The following MTMR12 variants were observed in gnomAD, a reference collection of about 807,000 sequenced individuals.
MTMR12 encodes the protein myotubularin-related protein 12.
Under a neutral mutation model 96.7 loss-of-function variants are expected in MTMR12, and 33 were observed. The observed-to-expected ratio is 0.34, with a 90% CI of 0.26 to 0.46. MTMR12 has a LOEUF of 0.46. Among genes scored for constraint, MTMR12 ranks in the 20% least tolerant of loss-of-function variants. The pLI, the probability that MTMR12 is intolerant of heterozygous loss-of-function variation, is 1.00. For missense variants in MTMR12, 721 were observed against 896.1 expected (o/e 0.80, Z 2.49); for synonymous variants, 298 against 327.2 (o/e 0.91, Z 0.96).
chr5:32,235,280 G>A, intron 13 of MTMR12, 151 bp from the exon 14 acceptor site: 1 of 630,686 alleles, frequency 1.6e-6, no homozygotes, highest in Non-Finnish European at 2.6e-6. Context: ...CATCCCAAGT[G>A]AGAAATATGC....
intron 3 of MTMR12, among the ~76,000 whole-genome samples, chr5:32,272,686 T>C (rs565920900): frequency 2.9e-4 from 44 of 152,238 alleles, no homozygotes; most frequent in African/African-American, 1.0e-3. Context: ...GTCCAGAACA[T>C]GCCATTTCTG....
In MTMR12 at chr5:32,274,008, C is replaced by T. The variant is rs1313915264; in HGVS notation, c.257G>A (p.Gly86Asp). The stretch of plus-strand genomic sequence containing the variant: ...ATTATCCAATGCAGATTCATCATCA[C>T]CCAAGAAGGCAATCTTGAAGTCTGT... ...VCTDFKIAFLGDDESALDNDE... is the reference protein window; with the variant it reads ...VCTDFKIAFLDDDESALDNDE... Residue 86 changes from glycine (G) to aspartate (D), a missense_variant, in exon 3 of 16, where the codon GGT becomes GAT. Physicochemically the swap from Gly to Asp is moderately conservative, Grantham distance 94. Coordinates refer to ENST00000382142, the MANE Select transcript of MTMR12 (RefSeq NM_001040446.3). The T allele has an allele frequency of 6.2e-7, 1 of 1,614,156 alleles. No individual in the cohort carries two copies. The highest frequency in any genetic ancestry group is 1.3e-5 in the African/African-American group (1 of 75,032).
chr5:32,271,928 A>G, intron 3 of MTMR12, 23 bp from the exon 4 acceptor site: 1 of 1,364,796 alleles, frequency 7.3e-7, no homozygotes. Flanking sequence ...AAAGGAAACA[A>G]CTGTGACTCC....
At chr5:32,310,830 T>C (rs2111559461) in intron 1 of MTMR12, among the ~76,000 whole-genome samples, 1 of 152,238 alleles carries the variant, frequency 6.6e-6, no homozygotes, top group African/African-American at 2.4e-5. Flanking sequence ...CTTGCAGTGA[T>C]GGATACCCCA....
intron 3 of MTMR12, among the ~76,000 whole-genome samples, chr5:32,273,217 T>C (rs1749908458): frequency 6.6e-6 from 1 of 152,098 alleles, no homozygotes; most frequent in Non-Finnish European, 1.5e-5. Context: ...ATGGGCAACA[T>C]GGCAAAACCC....
intron 15 of MTMR12, among the ~76,000 whole-genome samples, chr5:32,232,049 C>G (rs1327794449): frequency 6.6e-6 from 1 of 152,346 alleles, no homozygotes; most frequent in Non-Finnish European, 1.5e-5. Flanking sequence ...TGGAAGCCCC[C>G]TTCTCTCTAT....
chr5:32,256,955 A>C (rs1264850744), intron 7 of MTMR12, among the ~76,000 whole-genome samples: 3 of 152,230 alleles, frequency 2.0e-5, no homozygotes, highest in African/African-American at 7.2e-5. Context: ...CTTTTAAAAA[A>C]AGATTAAAAA....
intron 1 of MTMR12, among the ~76,000 whole-genome samples, chr5:32,307,700 G>A (rs188339285): frequency 1.7e-3 from 265 of 152,178 alleles, no homozygotes; most frequent in African/African-American, 6.1e-3. Context: ...TTAACTACTC[G>A]TCCTCATTTT....
chr5:32,233,400 T>C lies in MTMR12; in HGVS notation c.1674+373A>G, dbSNP rs1175827630. Among the ~76,000 whole-genome samples, 1 of 151,890 alleles carries C rather than the reference T, an allele frequency of 6.6e-6. No homozygotes were observed. Among genetic ancestry groups the C allele is most frequent in the Non-Finnish European group, 1.5e-5 (1 of 68,016 alleles). On this transcript the variant is annotated intron_variant, in intron 15 of 15. Coordinates refer to ENST00000382142, the MANE Select transcript of MTMR12 (RefSeq NM_001040446.3). This position sits in a 1 kb window ranked among gnomAD's most constrained non-coding sequence, Gnocchi z 5.0. ...AAGTCTTACTATTTATTATAATAAATGAACTGGTATCGGCCAAGTAAAACC... is the reference window on the plus strand; with the variant it reads ...AAGTCTTACTATTTATTATAATAAACGAACTGGTATCGGCCAAGTAAAACC...
intron 6 of MTMR12, among the ~76,000 whole-genome samples, chr5:32,268,397 A>C (rs1208989135): frequency 6.6e-6 from 1 of 151,880 alleles, no homozygotes; most frequent in Non-Finnish European, 1.5e-5. Context: ...AATCCCAGTT[A>C]TTCAGGAGGC....
chr5:32,304,491 T>G (rs1485266396), intron 1 of MTMR12, among the ~76,000 whole-genome samples: 1 of 152,228 alleles, frequency 6.6e-6, no homozygotes, highest in Non-Finnish European at 1.5e-5. Context: ...TTTATCATAA[T>G]AAGGTATACA....
chr5:32,253,373 A>G (rs973588506), intron 8 of MTMR12, among the ~76,000 whole-genome samples: 1 of 152,210 alleles, frequency 6.6e-6, no homozygotes, highest in African/African-American at 2.4e-5. Context: ...ATATAAAATA[A>G]ATTACCTTTT....
rs1376671357 is a variant in MTMR12, at chr5:32,229,614, C to A, written c.*164G>T. On this transcript the variant is annotated 3_prime_UTR_variant, in exon 16 of 16. Coordinates refer to ENST00000382142, the MANE Select transcript of MTMR12 (RefSeq NM_001040446.3). ...TTTTAATTGCATAGTCTTTTAGAAT[C>A]ATGAAAAATAATGAGAGCCACCTCT... 1.9e-5 allele frequency: 10 copies of A among 537,550 alleles called. No individual in the cohort carries two copies. The highest frequency in any genetic ancestry group is 3.0e-5 in the Non-Finnish European group (10 of 330,182). 33.3% of individuals were successfully genotyped at this position (537,550 alleles called of 1,614,324 possible). A position where few individuals can be genotyped will look rare whatever the true frequency, so the allele number is the denominator to read the frequency against.
intron 5 of MTMR12, 82 bp from the exon 6 acceptor site, chr5:32,268,876 TC>T (rs1179055554): frequency 1.1e-5 from 13 of 1,148,894 alleles, no homozygotes; most frequent in South Asian, 1.1e-4. Context: ...GTGTCTAAGT[TC>T]TTAGTCATGC....
intron 15 of MTMR12, among the ~76,000 whole-genome samples, chr5:32,231,963 C>T (rs1332594313): frequency 1.3e-5 from 2 of 152,272 alleles, no homozygotes; most frequent in Admixed American, 1.3e-4. Flanking sequence ...GCCGAAGGCA[C>T]TGCTGCTCAG....
intron 1 of MTMR12, among the ~76,000 whole-genome samples, chr5:32,283,893 T>C (rs1403069081): frequency 6.6e-6 from 1 of 152,206 alleles, no homozygotes; most frequent in Non-Finnish European, 1.5e-5. Flanking sequence ...CTCTGAGGCA[T>C]GAGTCTCTAA....
At chr5:32,232,000 C>T (rs979285337) in intron 15 of MTMR12, among the ~76,000 whole-genome samples, 1 of 152,268 alleles carries the variant, frequency 6.6e-6, no homozygotes, top group African/African-American at 2.4e-5. Flanking sequence ...AATAGTCTGG[C>T]TCCAGAGCCT....
At chr5:32,295,555 A>G (rs751304709) in intron 1 of MTMR12, among the ~76,000 whole-genome samples, 2 of 152,248 alleles carry the variant, frequency 1.3e-5, no homozygotes, top group Non-Finnish European at 2.9e-5. Context: ...TCAGAGGGCT[A>G]CTTGGAAACT....
chr5:32,280,146 T>C (rs1271685144), intron 1 of MTMR12, among the ~76,000 whole-genome samples: 1 of 152,224 alleles, frequency 6.6e-6, no homozygotes, highest in Non-Finnish European at 1.5e-5. Context: ...AAATGTGTGA[T>C]GATCCTGGGG....
Sources: allele counts gnomAD v4.1 joint callset (sites outside exome capture counted in the v4.1 genomes callset), GRCh38; gene constraint gnomAD v4.1.1; non-coding constraint Gnocchi (gnomAD v3.1); transcripts MANE v1.5; gene names NCBI Gene and HGNC (gene_info 2026-07-23, HGNC 2026-07-21).